The following ATCAY variants were observed in gnomAD, a reference collection of about 807,000 sequenced individuals.
The protein encoded by ATCAY is caytaxin.
ATCAY carries 22 observed loss-of-function variants against 47.7 expected under a neutral mutation model. That is an observed-to-expected ratio of 0.46 (90% CI 0.33 to 0.66). The LOEUF (loss-of-function observed/expected upper bound fraction) is 0.66. Among genes scored for constraint, ATCAY ranks in the 30% least tolerant of loss-of-function variants. The probability of loss-of-function intolerance (pLI) is 0.02; values close to 1 mark genes in which losing one functional copy is unlikely to be tolerated. For synonymous variants in ATCAY, 216 were observed against 207.6 expected, an observed-to-expected ratio of 1.04 and a Z score of -0.35; for missense variants, 452 against 515.0, an observed-to-expected ratio of 0.88 and a Z score of 1.18.
At chr19:3,902,617 T>A in intron 3 of ATCAY, 72 bp downstream of exon 3, 1 of 1,471,250 alleles carries the variant, frequency 6.8e-7, no homozygotes, top group Non-Finnish European at 9.3e-7. Context: ...CCTGGGGCTG[T>A]AACTGTAGAA....
At chr19:3,881,374 A>C in intron 1 of ATCAY, among the ~76,000 whole-genome samples, 1 of 134,894 alleles carries the variant, frequency 7.4e-6, no homozygotes, top group East Asian at 2.2e-4. Flanking sequence ...CCACCAGCCG[A>C]CGATTTCGGG....
At chr19:3,913,732 C>G in intron 8 of ATCAY, 26 bp from the exon 9 acceptor site, 6 of 1,595,688 alleles carry the variant, frequency 3.8e-6, no homozygotes, top group Non-Finnish European at 5.2e-6. Flanking sequence ...GCATTTCAGA[C>G]CTCTCCCTCC....
At chr19:3,902,598 T>G in intron 3 of ATCAY, 53 bp downstream of exon 3, 3 of 1,535,872 alleles carry the variant, frequency 2.0e-6, no homozygotes, top group Non-Finnish European at 2.6e-6. Context: ...TTTCCGGGTT[T>G]CAGCCCTGCC....
At chr19:3,885,398 A>T (rs1055171976) in intron 1 of ATCAY, among the ~76,000 whole-genome samples, 45 of 151,926 alleles carry the variant, frequency 3.0e-4, no homozygotes, top group African/African-American at 1.1e-3. Context: ...TACTAAAAAT[A>T]CAAGAATTAA....
intron 9 of ATCAY, 138 bp downstream of exon 9, chr19:3,913,994 T>C: frequency 1.5e-6 from 1 of 686,788 alleles, no homozygotes; most frequent in Non-Finnish European, 2.5e-6. Context: ...CCCAGCACTT[T>C]GGGAGGCTGA....
rs755691443 is a variant in ATCAY, at chr19:3,925,811, A to G, written c.*1219A>G. On this transcript the variant is annotated 3_prime_UTR_variant, in exon 13 of 13. Transcript: ENST00000450849. The surrounding 1 kb of genome is among the most constrained non-coding windows in gnomAD (Gnocchi z 4.4). The stretch of plus-strand genomic sequence containing the variant: ...CACCTGAGGTGAGGAGTTTGAGAAC[A>G]GCCTGGCCAACATGGTGAAACCTCA... The G allele has an allele frequency of 3.3e-5, 5 of 152,340 alleles. No homozygotes were observed. The highest frequency in any genetic ancestry group is 5.9e-5 in the Non-Finnish European group (4 of 68,054). 9.4% of individuals were successfully genotyped at this position (152,340 alleles called of 1,614,324 possible). A position where few individuals can be genotyped will look rare whatever the true frequency, so the allele number is the denominator to read the frequency against.
chr19:3,920,931 TC>T, intron 12 of ATCAY, 133 bp downstream of exon 12: 1 of 1,110,440 alleles, frequency 9.0e-7, no homozygotes, highest in Non-Finnish European at 1.3e-6. Context: ...GGGATCCTAA[TC>T]CCAGGAAAAC....
At chr19:3,918,723 A>C in intron 10 of ATCAY, 83 bp from the exon 11 acceptor site, 1 of 1,460,320 alleles carries the variant, frequency 6.8e-7, no homozygotes, top group Non-Finnish European at 9.5e-7. Context: ...CAGGAAAACC[A>C]GAGAGGCCAG....
chr19:3,917,685 A>G (rs2038978452), intron 9 of ATCAY, 57 bp from the exon 10 acceptor site: 2 of 1,602,766 alleles, frequency 1.2e-6, no homozygotes, highest in Admixed American at 1.7e-5. Flanking sequence ...GATTTCCCCA[A>G]AAAGTATATC....
chr19:3,904,920 T>C lies in ATCAY; in HGVS notation c.137-514T>C, dbSNP rs185821374. 5.5e-3 allele frequency among the ~76,000 whole-genome samples: 833 copies of C among 152,214 alleles called. 9 individuals carry two copies. Among genetic ancestry groups the C allele is most frequent in the African/African-American group, 0.019 (808 of 41,540 alleles). Reference sequence around the variant, plus strand: ...TGTCACCCAGGCTGGAGTGCAATGGTACGATCTTGGCTCACTGTAACCTCC... The same window carrying C: ...TGTCACCCAGGCTGGAGTGCAATGGCACGATCTTGGCTCACTGTAACCTCC... On this transcript the variant is annotated intron_variant, in intron 3 of 12. Transcript: ENST00000450849.
At chr19:3,881,458 T>C (rs938479323) in intron 1 of ATCAY, among the ~76,000 whole-genome samples, 1 of 151,380 alleles carries the variant, frequency 6.6e-6, no homozygotes, top group African/African-American at 2.4e-5. Context: ...GGGTGGTTTA[T>C]GGTTTAAGAC....
chr19:3,915,259 G>A (rs62130408), intron 9 of ATCAY, among the ~76,000 whole-genome samples: 15,480 of 150,742 alleles, frequency 0.1, 1,030 homozygotes, highest in South Asian at 0.25. Context: ...CACAACCTCC[G>A]CCTCCCGGGT....
At chr19:3,893,381 T>C (rs374775269) in intron 2 of ATCAY, among the ~76,000 whole-genome samples, 16 of 152,056 alleles carry the variant, frequency 1.1e-4, no homozygotes, top group African/African-American at 3.4e-4. Context: ...GGTTTCACCA[T>C]GTTGGCCAGG....
At chr19:3,889,949 C>CTT (rs911051026) in intron 2 of ATCAY, among the ~76,000 whole-genome samples, 2 of 144,476 alleles carry the variant, frequency 1.4e-5, no homozygotes, top group Non-Finnish European at 3.1e-5. Flanking sequence ...CTTTTCTTTT[C>CTT]TTTTTTTTTT....
Position 3,915,855 on chromosome 19 carries a change from G to A in ATCAY, c.966-1887G>A, listed in dbSNP as rs532772764. On this transcript the variant is annotated intron_variant, in intron 9 of 12. Coordinates refer to ENST00000450849, the MANE Select transcript of ATCAY (RefSeq NM_033064.5). ...CAGGCGTGAGCCACCACGCCTGGCC[G>A]ATTTTTGTATTTTTAGTAGAGACGG... 4.0e-5 allele frequency among the ~76,000 whole-genome samples: 6 copies of A among 150,414 alleles called. No homozygotes were observed. In the South Asian group the frequency reaches 1.3e-3, roughly 32 times the overall value.
intron 1 of ATCAY, among the ~76,000 whole-genome samples, chr19:3,884,464 G>A (rs2145217843): frequency 6.6e-6 from 1 of 152,188 alleles, no homozygotes; most frequent in East Asian, 1.9e-4. Flanking sequence ...ATGGCAGATA[G>A]CGATGGGTTA....
At chr19:3,906,965 C>T (rs1488165872) in intron 4 of ATCAY, among the ~76,000 whole-genome samples, 1 of 151,550 alleles carries the variant, frequency 6.6e-6, no homozygotes, top group Admixed American at 6.6e-5. Context: ...TGGTGAAGCT[C>T]CATCTCTACT....
rs745720974 is a variant in ATCAY at position 3,885,804 on chromosome 19, G to C, written c.37G>C (p.Val13Leu). Residue 13 changes from valine to leucine, a missense_variant, in exon 2 of 13, where the codon GTG becomes CTG. By Grantham distance (32) the Val-to-Leu change is conservative. Coordinates refer to ENST00000450849, the MANE Select transcript of ATCAY (RefSeq NM_033064.5). ...CGAAGCCACGCTCCGGATGGAAAAC[G>C]TGGACGTGAAGGAGGAATGGCAGGA... ...TTEATLRMEN[V>L]DVKEEWQDED... The C allele has an allele frequency of 3.2e-6, 5 of 1,552,228 alleles. No individual in the cohort carries two copies. The highest frequency in any genetic ancestry group is 4.4e-6 in the Non-Finnish European group (5 of 1,147,690).
intron 6 of ATCAY, 60 bp downstream of exon 6, chr19:3,908,430 G>GGA: frequency 1.4e-6 from 2 of 1,421,748 alleles, no homozygotes; most frequent in Non-Finnish European, 1.9e-6. Context: ...CTGGCCACAG[G>GGA]GGCACCAGGC....
Sources: gnomAD v4.1 joint callset for allele counts (sites outside exome capture counted in the v4.1 genomes callset) on GRCh38, gnomAD v4.1.1 for gene constraint, Gnocchi (gnomAD v3.1) non-coding constraint, MANE v1.5 for transcripts, NCBI Gene and HGNC (gene_info 2026-07-23, HGNC 2026-07-21) for gene names.